The following APOLD1 variants were observed in gnomAD, a reference collection of about 807,000 sequenced individuals.
APOLD1 encodes the protein apolipoprotein L domain-containing protein 1.
Under a neutral mutation model 15.3 loss-of-function variants are expected in APOLD1, and 22 were observed. That is an observed-to-expected ratio of 1.44 (90% CI 1.03 to 2.05). APOLD1 has a LOEUF of 2.05. APOLD1 is among the 30% of genes most tolerant of loss of function. The pLI, the probability that APOLD1 is intolerant of heterozygous loss-of-function variation, is 0.00. For missense variants in APOLD1, 394 were observed against 353.5 expected, an observed-to-expected ratio of 1.11 and a Z score of -0.92; for synonymous variants, 190 against 167.4, an observed-to-expected ratio of 1.13 and a Z score of -1.04.
intron 1 of APOLD1, among the ~76,000 whole-genome samples, chr12:12,770,200 TTCAAGACCAGCCTG>T (rs1236560506): frequency 6.6e-6 from 1 of 152,062 alleles, no homozygotes; most frequent in African/African-American, 2.4e-5. Flanking sequence ...ACGAAGTCAG[TTCAAGACCAGCCTG>T]ACAAGCATGG....
rs118185158 is a variant in APOLD1 at position 12,737,880 on chromosome 12, G to C, written c.96+11784G>C. 5.9e-4 allele frequency among the ~76,000 whole-genome samples: 90 copies of C among 152,284 alleles called. 1 individual carries two copies. The East Asian group carries it at 9.6e-3, about 16-fold the overall frequency. ...TCAGAATATGGAGGGTCGTTATCTAGGGGGAGGAAGGGGACTGAATGTTCT... is the reference window on the plus strand; with the variant it reads ...TCAGAATATGGAGGGTCGTTATCTACGGGGAGGAAGGGGACTGAATGTTCT... On this transcript the variant is annotated intron_variant, in intron 1 of 1. Transcript: ENST00000326765.
chr12:12,770,113 A>C (rs1946974712), intron 1 of APOLD1, among the ~76,000 whole-genome samples: 1 of 152,146 alleles, frequency 6.6e-6, no homozygotes, highest in South Asian at 2.1e-4. Context: ...AAAGAACCAA[A>C]AGAAATGTTA....
At chr12:12,782,027 G>C (rs1308002488), upstream of APOLD1, among the ~76,000 whole-genome samples, 2 of 151,702 alleles carry the variant, frequency 1.3e-5, no homozygotes, top group African/African-American at 4.8e-5. Flanking sequence ...GGGAGGCCGA[G>C]GTGGGCAGAT....
chr12:12,740,621 C>T (rs965407165), intron 1 of APOLD1, among the ~76,000 whole-genome samples: 1 of 152,196 alleles, frequency 6.6e-6, no homozygotes, highest in African/African-American at 2.4e-5. Context: ...TTCTAAAGTT[C>T]CTTTCAAACC....
chr12:12,764,718 CCTT>C, intron 1 of APOLD1: 1 of 502,902 alleles, frequency 2.0e-6, no homozygotes, highest in African/African-American at 2.0e-5. Flanking sequence ...TAGGAATGTT[CCTT>C]CTTTGCCACT....
At chr12:12,767,947 G>A (rs1215697420) in intron 1 of APOLD1, among the ~76,000 whole-genome samples, 4 of 151,974 alleles carry the variant, frequency 2.6e-5, no homozygotes, top group East Asian at 3.9e-4. Context: ...CACCATGACT[G>A]GCTAATTTTT....
intron 1 of APOLD1, among the ~76,000 whole-genome samples, chr12:12,762,101 G>C (rs1203326279): frequency 6.6e-6 from 1 of 152,044 alleles, no homozygotes; most frequent in Non-Finnish European, 1.5e-5. Context: ...ACAGAGGTTA[G>C]GTGCCAAGCA....
intron 1 of APOLD1, among the ~76,000 whole-genome samples, chr12:12,740,707 C>T (rs971787964): frequency 6.6e-6 from 1 of 152,120 alleles, no homozygotes; most frequent in Non-Finnish European, 1.5e-5. Flanking sequence ...TTTCAGCCTT[C>T]CCTCTACACA....
intron 1 of APOLD1, among the ~76,000 whole-genome samples, chr12:12,776,017 A>AAC (rs1565436418): frequency 6.6e-6 from 1 of 150,838 alleles, no homozygotes; most frequent in Non-Finnish European, 1.5e-5. Context: ...AAAAAAAAAA[A>AAC]AAAAAAAAAC....
chr12:12,752,078 G>A (rs538979866), intron 1 of APOLD1, among the ~76,000 whole-genome samples: 1 of 152,156 alleles, frequency 6.6e-6, no homozygotes, highest in Non-Finnish European at 1.5e-5. Context: ...GACCTCAAGA[G>A]CTATTGAGAA....
chr12:12,775,274 TGGTTGCCAGG>T (rs1246720237), intron 1 of APOLD1, among the ~76,000 whole-genome samples: 2 of 152,116 alleles, frequency 1.3e-5, no homozygotes, highest in African/African-American at 4.8e-5. Flanking sequence ...CAAAGATCAG[TGGTTGCCAGG>T]GGTTAGGAGG....
chr12:12,730,450 G>T (rs1565424438), intron 1 of APOLD1, among the ~76,000 whole-genome samples: 1 of 151,860 alleles, frequency 6.6e-6, no homozygotes, highest in Non-Finnish European at 1.5e-5. Context: ...GGAGGCCAGG[G>T]CGGGCAGATC....
rs1244595969 is a variant in APOLD1 at position 12,728,242 on chromosome 12, C to T, written c.96+2146C>T. 2.0e-5 allele frequency among the ~76,000 whole-genome samples: 3 copies of T among 152,126 alleles called. No individual in the cohort carries two copies. In the East Asian group the frequency reaches 5.8e-4, roughly 29 times the overall value. ...TTGGCCTCCCAAAGTGGTGGGATTA[C>T]AGGTGTGAGCCACTGAGCCCAGCCT... On this transcript the variant is annotated intron_variant, in intron 1 of 1. Coordinates refer to the APOLD1 transcript ENST00000326765.
intron 1 of APOLD1, among the ~76,000 whole-genome samples, chr12:12,769,225 G>GC (rs1770184330): frequency 1.1e-5 from 1 of 87,290 alleles, no homozygotes; most frequent in Non-Finnish European, 2.0e-5. Context: ...AAGACCTCCA[G>GC]CTAAAAAAAA....
intron 1 of APOLD1, among the ~76,000 whole-genome samples, chr12:12,737,221 A>G (rs1004990316): frequency 2.8e-5 from 3 of 105,288 alleles, no homozygotes; most frequent in African/African-American, 9.9e-5. Flanking sequence ...AACAACCCAG[A>G]GGTTTTTTTT....
At chr12:12,758,110 T>G (rs1250435924) in intron 1 of APOLD1, among the ~76,000 whole-genome samples, 1 of 148,230 alleles carries the variant, frequency 6.7e-6, no homozygotes, top group Non-Finnish European at 1.5e-5. Flanking sequence ...CTTTTTTTTT[T>G]TAATTTTAGT....
chr12:12,743,792 A>G (rs1261512511), intron 1 of APOLD1, among the ~76,000 whole-genome samples: 1 of 152,248 alleles, frequency 6.6e-6, no homozygotes, highest in Non-Finnish European at 1.5e-5. Context: ...AGGAAAGCAG[A>G]AGAGGGATTC....
intron 1 of APOLD1, among the ~76,000 whole-genome samples, chr12:12,767,037 G>A (rs1387261389): frequency 6.6e-6 from 1 of 151,848 alleles, no homozygotes; most frequent in Non-Finnish European, 1.5e-5. Flanking sequence ...CCGGAGGTCA[G>A]GAGTTCGAGA....
chr12:12,785,603 C>A, upstream of APOLD1: 1 of 1,613,138 alleles, frequency 6.2e-7, no homozygotes. Flanking sequence ...AAGGCTTTCC[C>A]AGGGCAGCCA....
Sources: gnomAD v4.1 joint callset for allele counts (sites outside exome capture counted in the v4.1 genomes callset) on GRCh38, gnomAD v4.1.1 for gene constraint, MANE v1.5 for transcripts, NCBI Gene and HGNC (gene_info 2026-07-23, HGNC 2026-07-21) for gene names.